The following GRAMD1C variants were observed in gnomAD, a reference collection of about 807,000 sequenced individuals.
GRAMD1C encodes protein Aster-C.
Under a neutral mutation model 97.8 loss-of-function variants are expected in GRAMD1C, and 89 were observed. The observed-to-expected ratio is 0.91, with a 90% CI of 0.77 to 1.09. The LOEUF (loss-of-function observed/expected upper bound fraction) is 1.09. Among genes scored for constraint, GRAMD1C ranks in the 50% least tolerant of loss-of-function variants. The probability of loss-of-function intolerance (pLI) is 0.00; values close to 1 mark genes in which losing one functional copy is unlikely to be tolerated. For synonymous variants in GRAMD1C, 256 were observed against 267.0 expected (o/e 0.96, Z 0.40); for missense variants, 740 against 766.4 (o/e 0.97, Z 0.41).
At chr3:113,875,049 T>G (rs1934972100) in intron 3 of GRAMD1C, among the ~76,000 whole-genome samples, 1 of 152,164 alleles carries the variant, frequency 6.6e-6, no homozygotes, top group African/African-American at 2.4e-5. Flanking sequence ...TCAAATGTGC[T>G]GTGTTTCTTT....
rs1933753256 is a variant in GRAMD1C, at chr3:113,849,301, TTATTTA to T, written c.174+4654_174+4659del. Reference sequence around the variant, plus strand: ...TTTATTTATTTATTTATTTATTTATTTATTTATTTTTTATTGATCATTCTTGGGTGT... The same window carrying T: ...TTTATTTATTTATTTATTTATTTATTTTTTTTATTGATCATTCTTGGGTGT... On this transcript the variant is annotated intron_variant, in intron 2 of 17. Transcript: ENST00000358160. 4.7e-5 allele frequency among the ~76,000 whole-genome samples: 7 copies of T among 149,992 alleles called. No homozygotes were observed. The South Asian group carries it at 6.4e-4, about 14-fold the overall frequency.
In GRAMD1C at chr3:113,838,891, G is replaced by C. The variant is rs1709692580; in HGVS notation, c.-19G>C. 8.1e-7 allele frequency: 1 copy of C among 1,231,514 alleles called. No individual in the cohort carries two copies. Among genetic ancestry groups the C allele is most frequent in the African/African-American group, 1.6e-5 (1 of 64,092 alleles). 76.3% of individuals were successfully genotyped at this position (1,231,514 alleles called of 1,614,324 possible). ...TGCGGTGCGCGCGGGGCGGTGCCGC[G>C]GCGGCGGAGGGAGCCGCGATGGAGG... On this transcript the variant is annotated 5_prime_UTR_variant, in exon 1 of 18. Coordinates refer to ENST00000358160, the MANE Select transcript of GRAMD1C (RefSeq NM_017577.5).
intron 3 of GRAMD1C, among the ~76,000 whole-genome samples, chr3:113,874,207 C>T (rs1577149809): frequency 6.6e-6 from 1 of 152,334 alleles, no homozygotes; most frequent in Non-Finnish European, 1.5e-5. Context: ...TAAATCTCCT[C>T]ATAGCAGCCC....
chr3:113,881,226 C>T (rs1577158263), intron 5 of GRAMD1C, among the ~76,000 whole-genome samples: 1 of 152,224 alleles, frequency 6.6e-6, no homozygotes, highest in East Asian at 1.9e-4. Flanking sequence ...GCGATCCTAG[C>T]TCGCTGCAAC....
intron 3 of GRAMD1C, among the ~76,000 whole-genome samples, chr3:113,871,192 C>T (rs1934796640): frequency 6.6e-6 from 1 of 151,918 alleles, no homozygotes; most frequent in South Asian, 2.1e-4. Flanking sequence ...CACAAATGTT[C>T]TAGGGCTAAA....
intron 2 of GRAMD1C, chr3:113,850,351 T>C: frequency 1.3e-6 from 1 of 760,322 alleles, no homozygotes; most frequent in Non-Finnish European, 2.4e-6. Flanking sequence ...CAAAACTCCG[T>C]CTGTAGGTAT....
chr3:113,911,371 A>T (rs1283974606), intron 9 of GRAMD1C, among the ~76,000 whole-genome samples: 1 of 151,718 alleles, frequency 6.6e-6, no homozygotes, highest in East Asian at 1.9e-4. Context: ...GAACACCTGG[A>T]GTAGCTGGGA....
rs113465428 is a variant in GRAMD1C at position 113,832,039 on chromosome 3, G to GTT, written n.98+3767_98+3768dup. Among the ~76,000 whole-genome samples the GTT allele has an allele frequency of 1.9e-3, 281 of 149,524 alleles. 8 individuals are homozygous for GTT. Among genetic ancestry groups the GTT allele is most frequent in the African/African-American group, 6.7e-3 (263 of 39,338 alleles). Reference sequence around the variant, plus strand: ...TTGAATATTATAATGCAGCAACTTTGTTTTTTTTGAGACAGAGTCTTACTC... The same window carrying GTT: ...TTGAATATTATAATGCAGCAACTTTGTTTTTTTTTTGAGACAGAGTCTTACTC... On this transcript the variant is annotated intron_variant and non_coding_transcript_variant, in intron 1 of 18. Transcript: ENST00000479212.
chr3:113,926,870 C>T (rs1030566170), intron 10 of GRAMD1C, among the ~76,000 whole-genome samples: 3 of 152,056 alleles, frequency 2.0e-5, no homozygotes, highest in Non-Finnish European at 2.9e-5. Context: ...TCTGGCCCTT[C>T]GAGGTTAGAA....
chr3:113,911,234 A>ATT (rs879553375), intron 9 of GRAMD1C, among the ~76,000 whole-genome samples: 1 of 142,812 alleles, frequency 7.0e-6, no homozygotes. Context: ...ACTCTCTGGT[A>ATT]TTTTTTTTTT....
intron 2 of GRAMD1C, among the ~76,000 whole-genome samples, chr3:113,868,308 G>A (rs761189282): frequency 1.1e-4 from 16 of 151,772 alleles, no homozygotes; most frequent in Non-Finnish European, 2.2e-4. Flanking sequence ...TCTGTTTTTT[G>A]TTCTGTTTTT....
chr3:113,842,941 C>G (rs1408839452), intron 1 of GRAMD1C, among the ~76,000 whole-genome samples: 1 of 149,182 alleles, frequency 6.7e-6, no homozygotes, highest in African/African-American at 2.5e-5. Flanking sequence ...CGAGCCTAGG[C>G]GACAGAGTGA....
chr3:113,929,817 T>C (rs1465900013), intron 10 of GRAMD1C, among the ~76,000 whole-genome samples: 2 of 152,174 alleles, frequency 1.3e-5, no homozygotes, highest in Non-Finnish European at 2.9e-5. Context: ...TAAAATTGGC[T>C]GTATTCTAAA....
At chr3:113,934,250 T>C (rs1022157187) in intron 12 of GRAMD1C, among the ~76,000 whole-genome samples, 182 bp from the exon 13 acceptor site, 32 of 152,180 alleles carry the variant, frequency 2.1e-4, no homozygotes, top group Non-Finnish European at 4.6e-4. Flanking sequence ...TTTGATGAAA[T>C]TATTAGCAGC....
intron 13 of GRAMD1C, 120 bp downstream of exon 13, chr3:113,934,655 G>C (rs1194055490): frequency 8.6e-6 from 5 of 579,008 alleles, no homozygotes; most frequent in Non-Finnish European, 1.5e-5. Flanking sequence ...AGACTCCCAT[G>C]AAAGTGGTTC....
intron 2 of GRAMD1C, among the ~76,000 whole-genome samples, chr3:113,866,320 C>G (rs898685394): frequency 2.6e-5 from 4 of 152,162 alleles, no homozygotes; most frequent in Admixed American, 1.3e-4. Context: ...CTCTCTTAGT[C>G]TAGCAGTATT....
At chr3:113,902,297 GTA>G (rs1181548239) in intron 7 of GRAMD1C, among the ~76,000 whole-genome samples, 1 of 152,148 alleles carries the variant, frequency 6.6e-6, no homozygotes, top group Non-Finnish European at 1.5e-5. Flanking sequence ...GGTTGCACAT[GTA>G]TATTTTATTA....
chr3:113,866,874 G>T (rs558372414), intron 2 of GRAMD1C, among the ~76,000 whole-genome samples: 15 of 152,034 alleles, frequency 9.9e-5, no homozygotes, highest in African/African-American at 3.6e-4. Context: ...TGTTGCCCAG[G>T]CTGGAGTGCA....
chr3:113,868,231 A>G (rs1934658454), intron 2 of GRAMD1C, among the ~76,000 whole-genome samples: 1 of 152,092 alleles, frequency 6.6e-6, no homozygotes, highest in Admixed American at 6.6e-5. Flanking sequence ...TTTTGAACAT[A>G]TTTATAATAA....
Sources: allele counts gnomAD v4.1 joint callset (sites outside exome capture counted in the v4.1 genomes callset), GRCh38; gene constraint gnomAD v4.1.1; transcripts MANE v1.5; gene names NCBI Gene and HGNC (gene_info 2026-07-23, HGNC 2026-07-21).